The following CACNA2D3 variants were observed in gnomAD, a reference collection of about 807,000 sequenced individuals.
CACNA2D3 encodes the protein voltage-dependent calcium channel subunit alpha-2/delta-3.
Under a neutral mutation model 160.6 loss-of-function variants are expected in CACNA2D3, and 60 were observed. That is an observed-to-expected ratio of 0.37 (90% CI 0.30 to 0.46). The LOEUF (loss-of-function observed/expected upper bound fraction) is 0.46, where lower values mean the gene tolerates loss of function less well. Among genes scored for constraint, CACNA2D3 ranks in the 20% least tolerant of loss-of-function variants. The pLI, the probability that CACNA2D3 is intolerant of heterozygous loss-of-function variation, is 1.00. For missense variants in CACNA2D3, 1,205 were observed against 1,365.0 expected, an observed-to-expected ratio of 0.88 and a Z score of 1.85; for synonymous variants, 558 against 492.9, an observed-to-expected ratio of 1.13 and a Z score of -1.75.
intron 27 of CACNA2D3, among the ~76,000 whole-genome samples, chr3:54,913,716 ACT>A (rs1217953696): frequency 6.6e-6 from 1 of 151,952 alleles, no homozygotes; most frequent in African/African-American, 2.4e-5. Context: ...AAGGATCCTA[ACT>A]CTGACTTCTT....
intron 11 of CACNA2D3, among the ~76,000 whole-genome samples, chr3:54,682,964 A>G (rs914568512): frequency 6.6e-6 from 1 of 152,222 alleles, no homozygotes; most frequent in Non-Finnish European, 1.5e-5. Flanking sequence ...ATGACAAAAC[A>G]GCACAGTGAA....
intron 2 of CACNA2D3, among the ~76,000 whole-genome samples, chr3:54,224,477 G>A (rs1187273622): frequency 6.6e-6 from 1 of 152,180 alleles, no homozygotes; most frequent in Non-Finnish European, 1.5e-5. Flanking sequence ...AGACGGGTGA[G>A]TAACGCATCG....
At chr3:54,199,105 C>A (rs1485383080) in intron 2 of CACNA2D3, among the ~76,000 whole-genome samples, 1 of 152,118 alleles carries the variant, frequency 6.6e-6, no homozygotes, top group African/African-American at 2.4e-5. Context: ...TGATTGTATG[C>A]CCTATTTCAG....
intron 13 of CACNA2D3, among the ~76,000 whole-genome samples, chr3:54,768,097 A>G (rs572593461): frequency 6.6e-6 from 1 of 152,318 alleles, no homozygotes; most frequent in East Asian, 1.9e-4. Context: ...CTAGGGGGAA[A>G]GTTCGATGAT....
intron 9 of CACNA2D3, among the ~76,000 whole-genome samples, chr3:54,583,677 G>A (rs369768171): frequency 1.6e-4 from 25 of 152,112 alleles, no homozygotes; most frequent in East Asian, 7.7e-4. Context: ...GCATTATATC[G>A]GTTCTCAAAA....
intron 35 of CACNA2D3, among the ~76,000 whole-genome samples, chr3:55,033,703 T>C (rs1414522788): frequency 7.7e-6 from 1 of 130,714 alleles, no homozygotes; most frequent in African/African-American, 2.9e-5. Context: ...TTAAAAAATA[T>C]ATATAATATA....
intron 8 of CACNA2D3, among the ~76,000 whole-genome samples, chr3:54,575,921 G>GA (rs1702573359): frequency 6.6e-6 from 1 of 151,734 alleles, no homozygotes; most frequent in African/African-American, 2.4e-5. Flanking sequence ...GGATCACATA[G>GA]GGGGGTGGGT....
At chr3:54,606,528 T>C (rs1292129691) in intron 9 of CACNA2D3, among the ~76,000 whole-genome samples, 1 of 151,908 alleles carries the variant, frequency 6.6e-6, no homozygotes, top group Admixed American at 6.6e-5. Flanking sequence ...GGGATGTGGG[T>C]TCCAGGAAGA....
chr3:54,766,093 A>T (rs1408665298), intron 13 of CACNA2D3, among the ~76,000 whole-genome samples: 1 of 152,312 alleles, frequency 6.6e-6, no homozygotes, highest in East Asian at 1.9e-4. Context: ...TCTACAGGCA[A>T]TAAAGAGAAA....
chr3:54,646,532 A>T (rs1230148959), intron 11 of CACNA2D3, among the ~76,000 whole-genome samples: 1 of 152,002 alleles, frequency 6.6e-6, no homozygotes, highest in African/African-American at 2.4e-5. Flanking sequence ...TTTGCTGAGG[A>T]TAATGGCTTC....
intron 27 of CACNA2D3, among the ~76,000 whole-genome samples, chr3:54,908,716 C>T (rs1700497119): frequency 6.6e-6 from 1 of 152,122 alleles, no homozygotes; most frequent in African/African-American, 2.4e-5. Context: ...GACCCTGTCT[C>T]AAAACAAAAG....
intron 9 of CACNA2D3, among the ~76,000 whole-genome samples, chr3:54,607,313 G>GT (rs1314028164): frequency 6.6e-6 from 1 of 151,958 alleles, no homozygotes; most frequent in Non-Finnish European, 1.5e-5. Flanking sequence ...CATGCAGCTG[G>GT]TTTTTTTGTT....
chr3:54,575,922 G>A (rs1044844477), intron 8 of CACNA2D3, among the ~76,000 whole-genome samples: 2 of 152,154 alleles, frequency 1.3e-5, no homozygotes, highest in African/African-American at 2.4e-5. Context: ...GATCACATAG[G>A]GGGGTGGGTG....
chr3:54,432,862 TC>T (rs1194519035), intron 4 of CACNA2D3, among the ~76,000 whole-genome samples: 2 of 152,162 alleles, frequency 1.3e-5, no homozygotes, highest in Non-Finnish European at 2.9e-5. Context: ...TCTTCTGAGT[TC>T]CAATCTCCAT....
intron 11 of CACNA2D3, among the ~76,000 whole-genome samples, chr3:54,736,877 G>A (rs1355313172): frequency 6.6e-6 from 1 of 152,040 alleles, no homozygotes; most frequent in Non-Finnish European, 1.5e-5. Flanking sequence ...TGTAATCCTC[G>A]GTTTGTTCAG....
chr3:54,464,366 T>C (rs980044827), intron 4 of CACNA2D3, among the ~76,000 whole-genome samples: 2 of 152,196 alleles, frequency 1.3e-5, no homozygotes, highest in African/African-American at 4.8e-5. Context: ...GTCTGTGCCC[T>C]GCCCCCAGAG....
intron 5 of CACNA2D3, among the ~76,000 whole-genome samples, chr3:54,504,343 A>T (rs952637127): frequency 6.6e-6 from 1 of 152,090 alleles, no homozygotes; most frequent in African/African-American, 2.4e-5. Flanking sequence ...CTGACATCGG[A>T]TGGATTCTGG....
chr3:54,152,493 A>G (rs1326953884), intron 2 of CACNA2D3, among the ~76,000 whole-genome samples: 1 of 152,240 alleles, frequency 6.6e-6, no homozygotes, highest in Non-Finnish European at 1.5e-5. Context: ...AGGTGCCTCA[A>G]ATATTTCTAA....
intron 2 of CACNA2D3, among the ~76,000 whole-genome samples, chr3:54,130,462 C>A (rs996807588): frequency 2.0e-5 from 3 of 152,202 alleles, no homozygotes; most frequent in Admixed American, 2.0e-4. Flanking sequence ...TGGCCCTGGG[C>A]AAATTGCTTA....
Sources: gnomAD v4.1 joint callset for allele counts (sites outside exome capture counted in the v4.1 genomes callset) on GRCh38, gnomAD v4.1.1 for gene constraint, MANE v1.5 for transcripts, NCBI Gene and HGNC (gene_info 2026-07-23, HGNC 2026-07-21) for gene names.